Variants in RAPGEF2 observed in about 807,000 individuals in gnomAD.
The protein encoded by RAPGEF2 is Rap guanine nucleotide exchange factor 2.
A neutral mutation model predicts 186.7 loss-of-function variants in RAPGEF2; 54 were observed. The ratio of observed to expected loss-of-function variants is 0.29; its 90% confidence interval spans 0.23 to 0.36. The LOEUF is 0.36. Ranked by LOEUF, RAPGEF2 falls within the 10% of genes least tolerant of loss-of-function variation. The pLI, the probability that RAPGEF2 is intolerant of heterozygous loss-of-function variation, is 1.00. For synonymous variants in RAPGEF2, 712 were observed against 705.9 expected (o/e 1.01, Z -0.14); for missense variants, 1,532 against 2,045.0 (o/e 0.75, Z 4.84).
At chr4:159,332,075 T>C in intron 16 of RAPGEF2, 41 bp downstream of exon 16, 1 of 1,356,758 alleles carries the variant, frequency 7.4e-7, no homozygotes, top group Non-Finnish European at 1.0e-6. Flanking sequence ...CCTTTTGGCC[T>C]TGTTTTTTAG....
chr4:159,340,372 T>G (rs1358395518), intron 19 of RAPGEF2, among the ~76,000 whole-genome samples: 1 of 152,042 alleles, frequency 6.6e-6, no homozygotes, highest in Admixed American at 6.6e-5. Flanking sequence ...CACGATAGAG[T>G]TTTACAGAGC....
intron 3 of RAPGEF2, among the ~76,000 whole-genome samples, chr4:159,196,557 C>T (rs1023424609): frequency 9.9e-5 from 15 of 152,150 alleles, no homozygotes; most frequent in African/African-American, 3.4e-4. Flanking sequence ...CCCTGTACCT[C>T]GTTTTTCTCA....
At chr4:159,254,635 G>GT (rs1331505807) in intron 7 of RAPGEF2, among the ~76,000 whole-genome samples, 2 of 143,262 alleles carry the variant, frequency 1.4e-5, no homozygotes, top group South Asian at 2.2e-4. Context: ...ATGAGACAGA[G>GT]TCTTGCTCTG....
intron 7 of RAPGEF2, among the ~76,000 whole-genome samples, chr4:159,261,880 G>A (rs564927793): frequency 6.6e-6 from 1 of 152,182 alleles, no homozygotes; most frequent in East Asian, 1.9e-4. Flanking sequence ...TCCCCATCCT[G>A]TTCTTGTACA....
Position 159,278,107 on chromosome 4 carries a change from C to G in RAPGEF2, c.544-26235C>G, listed in dbSNP as rs181614588. Among the ~76,000 whole-genome samples the G allele has an allele frequency of 4.2e-3, 644 of 152,124 alleles. 9 individuals carry two copies. The highest frequency in any genetic ancestry group is 0.015 in the African/African-American group (607 of 41,506). ...AACATTTAAGTCTTTAATCCATCTC[C>G]AATTAATTTTTGTATAAGGTGTAAG... On this transcript the variant is annotated intron_variant, in intron 7 of 29. Transcript: ENST00000691494.
At chr4:159,330,265 ATGTGTGTGTGTG>A (rs59463532) in intron 12 of RAPGEF2, 57 bp from the exon 13 acceptor site, 17 of 535,274 alleles carry the variant, frequency 3.2e-5, no homozygotes, top group Non-Finnish European at 4.2e-5. Flanking sequence ...GTATATGTAT[ATGTGTGTGTGTG>A]TGTGTGTGTG....
chr4:159,275,001 T>C lies in RAPGEF2; in HGVS notation c.544-29341T>C, dbSNP rs149764343. Among the ~76,000 whole-genome samples the C allele has an allele frequency of 9.3e-3, 1,409 of 152,038 alleles. 12 individuals carry two copies. The highest frequency in any genetic ancestry group is 0.014 in the Non-Finnish European group (955 of 67,954). ...GTCACTCTCTGCCATTTCTTCTTCT[T>C]AACTGAACCCCTAACATAGGCCTTA... On this transcript the variant is annotated intron_variant, in intron 7 of 29. Transcript: ENST00000691494.
chr4:159,149,313 T>G (rs1169792852), intron 1 of RAPGEF2, among the ~76,000 whole-genome samples: 2 of 152,286 alleles, frequency 1.3e-5, no homozygotes, highest in East Asian at 3.9e-4. Flanking sequence ...CAGGCTGGAG[T>G]GCAGTGGCGT....
intron 17 of RAPGEF2, among the ~76,000 whole-genome samples, chr4:159,337,911 A>AAAAAAAAAAAAAAAAAAAAAAAC (rs1767684642): frequency 7.4e-6 from 1 of 134,930 alleles, no homozygotes; most frequent in Admixed American, 7.1e-5. Context: ...AAAAAAAAAA[A>AAAAAAAAAAAAAAAAAAAAAAAC]AAGAAAGAAA....
intron 7 of RAPGEF2, among the ~76,000 whole-genome samples, chr4:159,261,354 A>G (rs550898712): frequency 1.2e-4 from 18 of 152,234 alleles, no homozygotes; most frequent in East Asian, 9.7e-4. Flanking sequence ...GAGCCACCGC[A>G]TCCAGCTGAA....
At chr4:159,275,014 A>G (rs1286679298) in intron 7 of RAPGEF2, among the ~76,000 whole-genome samples, 1 of 150,196 alleles carries the variant, frequency 6.7e-6, no homozygotes, top group Non-Finnish European at 1.5e-5. Context: ...CTGAACCCCT[A>G]ACATAGGCCT....
intron 1 of RAPGEF2, among the ~76,000 whole-genome samples, chr4:159,139,622 T>G (rs1742098032): frequency 6.6e-6 from 1 of 152,194 alleles, no homozygotes; most frequent in African/African-American, 2.4e-5. Context: ...AAAGGTTGTT[T>G]TGGTAATTTT....
In RAPGEF2 at chr4:159,354,065, G is replaced by A. The variant is rs1231948322; in HGVS notation, c.4651+19G>A. On this transcript the variant is annotated intron_variant, in intron 28 of 29. Transcript: ENST00000691494. ...CTCATTGGTAAGTTTTAAAATTGGGGGACTTTGTCATGTCTGGATCATGTC... is the reference window on the plus strand; with the variant it reads ...CTCATTGGTAAGTTTTAAAATTGGGAGACTTTGTCATGTCTGGATCATGTC... The A allele has an allele frequency of 2.0e-6, 3 of 1,533,700 alleles. No individual in the cohort carries two copies. Among genetic ancestry groups the A allele is most frequent in the South Asian group, 1.3e-5 (1 of 77,294 alleles).
At chr4:159,251,774 T>A (rs992428286) in intron 7 of RAPGEF2, among the ~76,000 whole-genome samples, 2 of 150,916 alleles carry the variant, frequency 1.3e-5, no homozygotes, top group Non-Finnish European at 2.9e-5. Context: ...AATGGACCAA[T>A]CAGCTCTCTG....
chr4:159,264,628 G>C (rs527812126), intron 7 of RAPGEF2, among the ~76,000 whole-genome samples: 57 of 152,212 alleles, frequency 3.7e-4, no homozygotes, highest in African/African-American at 1.3e-3. Flanking sequence ...ACATTATTAA[G>C]TGTAAAAGGC....
chr4:159,324,197 T>G (rs1418774368), intron 11 of RAPGEF2, among the ~76,000 whole-genome samples: 1 of 151,072 alleles, frequency 6.6e-6, no homozygotes, highest in African/African-American at 2.4e-5. Flanking sequence ...GCCTGGCCTT[T>G]TTGTATTTTT....
chr4:159,302,126 A>C (rs1762743877), intron 7 of RAPGEF2, among the ~76,000 whole-genome samples: 1 of 152,176 alleles, frequency 6.6e-6, no homozygotes, highest in South Asian at 2.1e-4. Flanking sequence ...ATTTGGCTGT[A>C]AGTAGGCACA....
At chr4:159,165,670 T>C (rs1651909504) in intron 1 of RAPGEF2, among the ~76,000 whole-genome samples, 1 of 152,166 alleles carries the variant, frequency 6.6e-6, no homozygotes, top group South Asian at 2.1e-4. Context: ...CAGGCCGGAG[T>C]GCAGTGGCAG....
At chr4:159,136,450 G>A (rs1741733036) in intron 1 of RAPGEF2, among the ~76,000 whole-genome samples, 1 of 152,144 alleles carries the variant, frequency 6.6e-6, no homozygotes, top group South Asian at 2.1e-4. Context: ...TAGGAGTTTA[G>A]CTTTAGAACA....
Sources: allele counts gnomAD v4.1 joint callset (sites outside exome capture counted in the v4.1 genomes callset), GRCh38; gene constraint gnomAD v4.1.1; transcripts MANE v1.5; gene names NCBI Gene and HGNC (gene_info 2026-07-23, HGNC 2026-07-21).